Variants in SAMD5 observed in about 807,000 individuals in gnomAD.
SAMD5 encodes the protein sterile alpha motif domain-containing protein 5.
Under a neutral mutation model 11.3 loss-of-function variants are expected in SAMD5, and 13 were observed. The ratio of observed to expected loss-of-function variants is 1.15; its 90% CI spans 0.75 to 1.83. The LOEUF (loss-of-function observed/expected upper bound fraction) is 1.83. SAMD5 is among the 40% of genes most tolerant of loss of function. The probability of loss-of-function intolerance (pLI) is 0.00; values close to 1 mark genes in which losing one functional copy is unlikely to be tolerated. For synonymous variants in SAMD5, 129 were observed against 111.3 expected (o/e 1.16, Z -1.00); for missense variants, 255 against 239.1 (o/e 1.07, Z -0.44).
At chr6:147,531,997 T>C (rs1159960024) in intron 1 of SAMD5, among the ~76,000 whole-genome samples, 2 of 152,124 alleles carry the variant, frequency 1.3e-5, no homozygotes, top group Non-Finnish European at 2.9e-5. Flanking sequence ...TTCTATAGAA[T>C]AGGATCACAA....
intron 1 of SAMD5, among the ~76,000 whole-genome samples, chr6:147,724,333 T>C (rs1791596497): frequency 6.6e-6 from 1 of 152,186 alleles, no homozygotes; most frequent in Non-Finnish European, 1.5e-5. Flanking sequence ...CTTTATTTTT[T>C]TTCAGAGCTC....
At chr6:147,694,384 T>C (rs1428805301) in intron 1 of SAMD5, among the ~76,000 whole-genome samples, 2 of 152,184 alleles carry the variant, frequency 1.3e-5, no homozygotes, top group African/African-American at 4.8e-5. Flanking sequence ...TACAAACTTA[T>C]TGGGATTTAT....
the SAMD5 span, among the ~76,000 whole-genome samples, chr6:147,812,365 G>T: frequency 6.6e-6 from 1 of 151,960 alleles, no homozygotes; most frequent in Non-Finnish European, 1.5e-5. Context: ...GAGTGTGCTT[G>T]TGTGTGGGTG....
At chr6:147,575,598 A>G (rs1789206349) in intron 1 of SAMD5, among the ~76,000 whole-genome samples, 1 of 152,270 alleles carries the variant, frequency 6.6e-6, no homozygotes, top group South Asian at 2.1e-4. Flanking sequence ...CAATGAAATT[A>G]CAAGGAAATT....
At chr6:147,526,171 G>A (rs1050032163) in intron 1 of SAMD5, among the ~76,000 whole-genome samples, 13 of 152,204 alleles carry the variant, frequency 8.5e-5, no homozygotes, top group African/African-American at 3.1e-4. Flanking sequence ...GTTTTGCAGG[G>A]AAACCACTTT....
At chr6:147,537,702 G>A (rs964932651) in intron 1 of SAMD5, among the ~76,000 whole-genome samples, 2 of 149,334 alleles carry the variant, frequency 1.3e-5, no homozygotes, top group African/African-American at 4.9e-5. Context: ...CTTGCAGTGA[G>A]CCGAGATCCA....
the SAMD5 span, among the ~76,000 whole-genome samples, chr6:147,796,425 T>C: frequency 3.9e-5 from 6 of 152,192 alleles, no homozygotes; most frequent in African/African-American, 1.4e-4. Context: ...CATTGATCTA[T>C]ATCTCTGTTT....
At chr6:147,896,738 C>CAAAAAAAAAAAAAAAAA in the SAMD5 span, among the ~76,000 whole-genome samples, 10 of 55,316 alleles carry the variant, frequency 1.8e-4, no homozygotes, top group African/African-American at 6.5e-4. Flanking sequence ...GAACATTAAC[C>CAAAAAAAAAAAAAAAAA]AAAAAAAAAA....
chr6:147,661,236 T>G (rs1370670027), intron 1 of SAMD5, among the ~76,000 whole-genome samples: 2 of 152,196 alleles, frequency 1.3e-5, no homozygotes, highest in African/African-American at 4.8e-5. Context: ...CATTTACATC[T>G]GAGACTTCAC....
chr6:147,779,497 CTTTT>C, the SAMD5 span, among the ~76,000 whole-genome samples: 2 of 140,848 alleles, frequency 1.4e-5, no homozygotes, highest in Non-Finnish European at 1.6e-5. Context: ...TGAAGTCATC[CTTTT>C]TTTTTTTTTT....
intron 1 of SAMD5, among the ~76,000 whole-genome samples, chr6:147,639,578 A>G (rs1186852797): frequency 2.6e-5 from 4 of 152,186 alleles, no homozygotes; most frequent in Admixed American, 2.6e-4. Context: ...CCCCTGTCCC[A>G]GCAACATTCT....
chr6:147,631,635 G>A (rs186180064), intron 1 of SAMD5, among the ~76,000 whole-genome samples: 49 of 152,256 alleles, frequency 3.2e-4, no homozygotes, highest in East Asian at 3.1e-3. Context: ...AGAAATGACC[G>A]CGGTGAACTT....
At chr6:147,725,036 C>T (rs752565162) in intron 1 of SAMD5, among the ~76,000 whole-genome samples, 2 of 152,144 alleles carry the variant, frequency 1.3e-5, no homozygotes, top group Non-Finnish European at 2.9e-5. Context: ...AACTTGATCC[C>T]TATTTATTTT....
chr6:147,870,774 G>A, the SAMD5 span, among the ~76,000 whole-genome samples: 1 of 138,902 alleles, frequency 7.2e-6, no homozygotes, highest in Non-Finnish European at 1.5e-5. Flanking sequence ...GGAAGGAGAA[G>A]GAGAAAGAAA....
chr6:147,755,638 G>T, the SAMD5 span, among the ~76,000 whole-genome samples: 1 of 152,070 alleles, frequency 6.6e-6, no homozygotes, highest in Non-Finnish European at 1.5e-5. Context: ...TTAAGCCAAG[G>T]CTTTCCCACT....
chr6:147,517,690 CTCTGATG>C (rs1788193012), intron 1 of SAMD5, among the ~76,000 whole-genome samples: 1 of 152,112 alleles, frequency 6.6e-6, no homozygotes, highest in East Asian at 1.9e-4. Flanking sequence ...ATTTCTAGAA[CTCTGATG>C]TCACAAAACA....
At chr6:147,689,753 A>G (rs1791073435) in intron 1 of SAMD5, among the ~76,000 whole-genome samples, 1 of 152,234 alleles carries the variant, frequency 6.6e-6, no homozygotes. Context: ...CCTTTCTAGG[A>G]AACAGATATG....
At chr6:147,772,512 G>C in the SAMD5 span, among the ~76,000 whole-genome samples, 3 of 152,174 alleles carry the variant, frequency 2.0e-5, no homozygotes, top group African/African-American at 7.2e-5. Flanking sequence ...GCTTAAGTCA[G>C]AGAGATCTAT....
intron 1 of SAMD5, among the ~76,000 whole-genome samples, chr6:147,698,367 C>T (rs959155124): frequency 5.9e-5 from 9 of 152,152 alleles, no homozygotes; most frequent in Non-Finnish European, 1.2e-4. Flanking sequence ...TGCCAAGCCG[C>T]AAACATTCAG....
Sources: allele counts gnomAD v4.1 joint callset (sites outside exome capture counted in the v4.1 genomes callset), GRCh38; gene constraint gnomAD v4.1.1; transcripts MANE v1.5; gene names NCBI Gene and HGNC (gene_info 2026-07-23, HGNC 2026-07-21).